Variants in PHF24 observed in about 807,000 individuals in gnomAD.
PHF24 encodes Galpha inhibitory interacting protein.
PHF24 carries 25 observed loss-of-function variants against 42.6 expected under a neutral mutation model. That is an observed-to-expected ratio of 0.59 (90% CI 0.43 to 0.82). The LOEUF (loss-of-function observed/expected upper bound fraction) is 0.82, where lower values mean the gene tolerates loss of function less well. Ranked by LOEUF, PHF24 falls within the 40% of genes least tolerant of loss-of-function variation. The pLI is 0.00. For synonymous variants in PHF24, 185 were observed against 204.8 expected (o/e 0.90, Z 0.83); for missense variants, 470 against 538.1 (o/e 0.87, Z 1.25).
the PHF24 span, among the ~76,000 whole-genome samples, chr9:34,774,120 T>C: frequency 6.6e-6 from 1 of 152,130 alleles, no homozygotes; most frequent in Non-Finnish European, 1.5e-5. Flanking sequence ...GAGACCTAAA[T>C]GTAGAGCTAA....
the PHF24 span, among the ~76,000 whole-genome samples, chr9:34,886,459 A>G: frequency 1.3e-5 from 2 of 149,662 alleles, no homozygotes. Flanking sequence ...TGCTAAATCT[A>G]ATGGTCAACT....
At chr9:34,819,613 A>G in the PHF24 span, among the ~76,000 whole-genome samples, 1 of 152,132 alleles carries the variant, frequency 6.6e-6, no homozygotes, top group Non-Finnish European at 1.5e-5. Context: ...GATTTTCCAG[A>G]TATCTTTCTG....
chr9:34,665,986 G>A, the PHF24 span: 3 of 432,554 alleles, frequency 6.9e-6, no homozygotes, highest in African/African-American at 2.0e-5. Flanking sequence ...ACCTGGAGGG[G>A]GGGCTGAGAG....
At chr9:34,797,109 T>G in the PHF24 span, among the ~76,000 whole-genome samples, 1 of 152,162 alleles carries the variant, frequency 6.6e-6, no homozygotes, top group Admixed American at 6.5e-5. Flanking sequence ...TGTCTCCCTC[T>G]CAGGGCGTGC....
At chr9:34,673,217 G>A in the PHF24 span, among the ~76,000 whole-genome samples, 13 of 152,182 alleles carry the variant, frequency 8.5e-5, no homozygotes, top group South Asian at 2.1e-4. Flanking sequence ...TTAGCCAGTC[G>A]TGGTGGCATG....
the PHF24 span, chr9:34,727,940 C>T: frequency 1.5e-6 from 2 of 1,315,872 alleles, no homozygotes; most frequent in Non-Finnish European, 2.1e-6. Context: ...TTATCTTTCT[C>T]CTTAGTCCTG....
At chr9:34,885,061 C>T in the PHF24 span, among the ~76,000 whole-genome samples, 14 of 152,238 alleles carry the variant, frequency 9.2e-5, no homozygotes, top group African/African-American at 3.4e-4. Context: ...TTCTTTCACT[C>T]TGTGTCTTCC....
At chr9:34,976,731 G>A (rs775471181) in exon 5 of PHF24, 3 of 1,613,392 alleles carry the variant, frequency 1.9e-6, no homozygotes, top group Non-Finnish European at 2.5e-6. Context: ...TGCAGCAGTT[G>A]CGTCCCCAGG....
At chr9:34,878,793 G>A in the PHF24 span, among the ~76,000 whole-genome samples, 4 of 152,238 alleles carry the variant, frequency 2.6e-5, no homozygotes, top group African/African-American at 7.2e-5. Flanking sequence ...TGGGGGCAGG[G>A]CATAGCAGAA....
the PHF24 span, chr9:34,723,454 C>T: frequency 1.9e-6 from 3 of 1,551,688 alleles, no homozygotes; most frequent in African/African-American, 4.1e-5. Context: ...TCTTACTTCT[C>T]CCCACAGGGC....
the PHF24 span, among the ~76,000 whole-genome samples, chr9:34,706,772 G>A: frequency 6.6e-6 from 1 of 152,100 alleles, no homozygotes; most frequent in African/African-American, 2.4e-5. Flanking sequence ...GGCAGGGCTG[G>A]GAGTGATGTC....
chr9:34,771,037 C>T, the PHF24 span, among the ~76,000 whole-genome samples: 1 of 152,118 alleles, frequency 6.6e-6, no homozygotes, highest in African/African-American at 2.4e-5. Context: ...CACTTGAAAC[C>T]AGGAGGCAGA....
chr9:34,738,929 T>C, the PHF24 span, among the ~76,000 whole-genome samples: 1 of 152,126 alleles, frequency 6.6e-6, no homozygotes, highest in African/African-American at 2.4e-5. Flanking sequence ...GAACAGACAG[T>C]GTTAGGATGT....
At chr9:34,732,171 C>A in the PHF24 span, among the ~76,000 whole-genome samples, 4 of 151,926 alleles carry the variant, frequency 2.6e-5, no homozygotes, top group South Asian at 8.3e-4. Context: ...TTTTGGGGAA[C>A]CTCCATACTG....
chr9:34,713,083 A>G, the PHF24 span, among the ~76,000 whole-genome samples: 1,154 of 152,326 alleles, frequency 7.6e-3, 8 homozygotes, highest in Middle Eastern at 0.041. Context: ...GATTGCTGAT[A>G]TACACTTGTT....
chr9:34,963,179 A>G (rs575789142), intron 1 of PHF24, among the ~76,000 whole-genome samples: 65 of 152,216 alleles, frequency 4.3e-4, no homozygotes, highest in Non-Finnish European at 7.6e-4. Flanking sequence ...TCCTAAAGCA[A>G]CAGCCAGTCA....
the PHF24 span, among the ~76,000 whole-genome samples, chr9:34,907,718 T>C: frequency 6.6e-6 from 1 of 152,216 alleles, no homozygotes; most frequent in Non-Finnish European, 1.5e-5. Context: ...TTTCATCCAA[T>C]TTAATCCTCT....
At chr9:34,885,358 G>A in the PHF24 span, among the ~76,000 whole-genome samples, 1 of 152,174 alleles carries the variant, frequency 6.6e-6, no homozygotes, top group Non-Finnish European at 1.5e-5. Context: ...CCTGTCCGAG[G>A]AAGAAAGTCC....
chr9:34,883,351 A>G, the PHF24 span, among the ~76,000 whole-genome samples: 32,515 of 152,170 alleles, frequency 0.21, 3,563 homozygotes, highest in South Asian at 0.29. Context: ...AACAAAAGCC[A>G]AAATTGACAA....
Sources: allele counts gnomAD v4.1 joint callset (sites outside exome capture counted in the v4.1 genomes callset), GRCh38; gene constraint gnomAD v4.1.1; transcripts MANE v1.5; gene names NCBI Gene and HGNC (gene_info 2026-07-23, HGNC 2026-07-21).